Variants in ASB4 observed in about 807,000 individuals in gnomAD.
The protein encoded by ASB4 is ankyrin repeat and SOCS box containing 4, also known as ankyrin repeat and SOCS box protein 4.
Under a neutral mutation model 38.6 loss-of-function variants are expected in ASB4, and 35 were observed. The observed-to-expected ratio is 0.91, with a 90% CI of 0.69 to 1.20. The LOEUF (loss-of-function observed/expected upper bound fraction) is 1.20. ASB4 is among the 50% of genes most tolerant of loss of function. The pLI, the probability that ASB4 is intolerant of heterozygous loss-of-function variation, is 0.00. For synonymous variants in ASB4, 195 were observed against 201.3 expected (o/e 0.97, Z 0.26); for missense variants, 557 against 527.2 (o/e 1.06, Z -0.55).
In ASB4 at chr7:95,504,277, G is replaced by A. The variant is rs1003068199; in HGVS notation, c.487+8220G>A. On this transcript the variant is annotated intron_variant, in intron 2 of 4. Coordinates refer to ENST00000325885, the MANE Select transcript of ASB4 (RefSeq NM_016116.3). Reference sequence around the variant, plus strand: ...ATGTTCCTTAGCAGAAAGTGACATGGGGGCAATGTAAAGGGGACCATGCCT... The same window carrying A: ...ATGTTCCTTAGCAGAAAGTGACATGAGGGCAATGTAAAGGGGACCATGCCT... 3.9e-5 allele frequency among the ~76,000 whole-genome samples: 6 copies of A among 152,160 alleles called. No homozygotes were observed. The East Asian group carries it at 1.2e-3, about 29-fold the overall frequency.
chr7:95,549,277 C>A, the ASB4 span, among the ~76,000 whole-genome samples: 1 of 147,648 alleles, frequency 6.8e-6, no homozygotes, highest in Non-Finnish European at 1.5e-5. Context: ...AGATTCCATT[C>A]CAGAAAGTTC....
chr7:95,475,083 C>A (rs1418370630), upstream of ASB4, among the ~76,000 whole-genome samples: 1 of 152,190 alleles, frequency 6.6e-6, no homozygotes, highest in Non-Finnish European at 1.5e-5. Flanking sequence ...ACCAGCAACA[C>A]TGGCATTTAA....
intron 1 of ASB4, among the ~76,000 whole-genome samples, 177 bp downstream of exon 1, chr7:95,486,335 A>G (rs564788850): frequency 6.6e-6 from 1 of 152,290 alleles, no homozygotes; most frequent in South Asian, 2.1e-4. Flanking sequence ...GGGCTGATAT[A>G]TATGTATAAG....
At chr7:95,526,157 T>G (rs1790733474) in intron 2 of ASB4, among the ~76,000 whole-genome samples, 1 of 152,222 alleles carries the variant, frequency 6.6e-6, no homozygotes, top group Admixed American at 6.5e-5. Context: ...AGAACAGTGA[T>G]AAGGAATTTC....
chr7:95,485,899 T>C (rs1790081307), upstream of ASB4: 4 of 1,384,786 alleles, frequency 2.9e-6, no homozygotes, highest in African/African-American at 1.4e-5. Context: ...TTGTGGACTC[T>C]CCAGCATGCG....
intron 3 of ASB4, among the ~76,000 whole-genome samples, chr7:95,531,278 G>A (rs560864221): frequency 7.6e-4 from 115 of 151,932 alleles, no homozygotes; most frequent in African/African-American, 2.7e-3. Flanking sequence ...CCTACATCTT[G>A]CTAAGGGCTG....
At chr7:95,505,338 G>A (rs969528700) in intron 2 of ASB4, among the ~76,000 whole-genome samples, 6 of 152,116 alleles carry the variant, frequency 3.9e-5, no homozygotes, top group Non-Finnish European at 8.8e-5. Context: ...AAATTGCAAT[G>A]TAAGAAAAGA....
chr7:95,534,119 C>G (rs985055451), intron 3 of ASB4, among the ~76,000 whole-genome samples: 1 of 152,090 alleles, frequency 6.6e-6, no homozygotes, highest in Non-Finnish European at 1.5e-5. Context: ...CCTAGGCGGG[C>G]GGATTACTGG....
Position 95,538,714 on chromosome 7 carries a change from T to C in ASB4, c.*955T>C, listed in dbSNP as rs377180698. 24 of 152,294 alleles carry C rather than the reference T, an allele frequency of 1.6e-4. No homozygotes were observed. The East Asian group carries it at 4.6e-3, about 29-fold the overall frequency. The allele number at this position is 152,294 out of a possible 1,614,324, so 9.4% of individuals were successfully genotyped here. ...ATGGTTTCTTGGTTAGTATTAATAC[T>C]TTCCCAGACTCCTTGAGAAAAATAT... is the stretch of plus-strand genomic sequence containing the variant. On this transcript the variant is annotated 3_prime_UTR_variant, in exon 5 of 5. Coordinates refer to ENST00000325885, the MANE Select transcript of ASB4 (RefSeq NM_016116.3).
At chr7:95,540,509 A>G (rs555822127), downstream of ASB4, among the ~76,000 whole-genome samples, 73 of 152,298 alleles carry the variant, frequency 4.8e-4, no homozygotes, top group African/African-American at 1.7e-3. Flanking sequence ...TCTGCCTCTC[A>G]CCATCTCTGT....
chr7:95,521,070 A>G (rs916530717), intron 2 of ASB4, among the ~76,000 whole-genome samples: 2 of 152,196 alleles, frequency 1.3e-5, no homozygotes, highest in South Asian at 2.1e-4. Context: ...AAGAATTGCC[A>G]TCTTTACAAT....
rs770571207 is a variant in ASB4 at position 95,486,035 on chromosome 7, C to T, written c.64C>T (p.Leu22Phe). The change falls in exon 1 of 5, where the codon CTT becomes TTT. Residue 22 changes from leucine to phenylalanine, a missense_variant. Leu to Phe is a conservative substitution (Grantham distance 22). Coordinates refer to ENST00000325885, the MANE Select transcript of ASB4 (RefSeq NM_016116.3). The stretch of plus-strand genomic sequence containing the variant: ...TGCCAAGTTAGTTAAGAGAAATTTC[C>T]TTGAGGCGCTAAAGTCCAATGACTT... ...GAAKLVKRNF[L>F]EALKSNDFGK... The T allele has an allele frequency of 1.9e-6, 3 of 1,614,062 alleles. No individual in the cohort carries two copies. Among genetic ancestry groups the T allele is most frequent in the Non-Finnish European group, 2.5e-6 (3 of 1,179,992 alleles).
At chr7:95,485,858 G>A (rs1790080737), upstream of ASB4, 8 of 835,772 alleles carry the variant, frequency 9.6e-6, no homozygotes, top group South Asian at 7.6e-5. Flanking sequence ...GAACGGATCA[G>A]CATAACTTTG....
intron 1 of ASB4, among the ~76,000 whole-genome samples, chr7:95,495,097 C>CT (rs1247949172): frequency 6.6e-6 from 1 of 152,096 alleles, no homozygotes; most frequent in East Asian, 1.9e-4. Flanking sequence ...TATTTTCCTA[C>CT]TTTTTTATTT....
At chr7:95,475,678 C>T (rs1326961386), upstream of ASB4, among the ~76,000 whole-genome samples, 1 of 152,208 alleles carries the variant, frequency 6.6e-6, no homozygotes, top group African/African-American at 2.4e-5. Flanking sequence ...GCCACCGTGC[C>T]CGGCCTTGAA....
rs1278883399 is a variant in ASB4, at chr7:95,528,170, A to G, written c.845A>G (p.Asp282Gly). Reference protein sequence around the residue: ...LEAGAEANLMDINGCAAIQYV... With the variant: ...LEAGAEANLMGINGCAAIQYV... The stretch of plus-strand genomic sequence containing the variant: ...GCTGGCGCCGAAGCCAATCTCATGG[A>G]TATCAACGGCTGTGCTGCCATCCAG... Residue 282 changes from aspartate (D) to glycine (G), a missense_variant, in exon 3 of 5, where the codon GAT becomes GGT. By Grantham distance (94) the Asp-to-Gly change is moderately conservative. Coordinates refer to ENST00000325885, the MANE Select transcript of ASB4 (RefSeq NM_016116.3). 2 of 1,614,186 alleles carry G rather than the reference A, an allele frequency of 1.2e-6. No individual in the cohort carries two copies. Among genetic ancestry groups the G allele is most frequent in the Non-Finnish European group, 8.5e-7 (1 of 1,180,036 alleles).
At chr7:95,489,205 G>T (rs565161084) in intron 1 of ASB4, among the ~76,000 whole-genome samples, 55 of 152,264 alleles carry the variant, frequency 3.6e-4, no homozygotes, top group Non-Finnish European at 6.0e-4. Flanking sequence ...ACAATCTACT[G>T]GGCACACCAG....
intron 1 of ASB4, among the ~76,000 whole-genome samples, chr7:95,488,216 C>T (rs1030274818): frequency 6.6e-6 from 1 of 152,176 alleles, no homozygotes; most frequent in Non-Finnish European, 1.5e-5. Flanking sequence ...TGGCGGCCGC[C>T]TGTAGTCCCA....
In ASB4 at chr7:95,516,306, T is replaced by C. The variant is rs552175535; in HGVS notation, c.488-11507T>C. On this transcript the variant is annotated intron_variant, in intron 2 of 4. Coordinates refer to ENST00000325885, the MANE Select transcript of ASB4 (RefSeq NM_016116.3). ...TTCCAAAGTCTGAGTTATTCAGTCT[T>C]ATCTATGGTTACTTTGCAAAATTTT... Among the ~76,000 whole-genome samples, 8 of 152,328 alleles carry C rather than the reference T, an allele frequency of 5.3e-5. No individual in the cohort carries two copies. In the South Asian group the frequency reaches 1.7e-3, roughly 32 times the overall value.
Sources: gnomAD v4.1 joint callset for allele counts (sites outside exome capture counted in the v4.1 genomes callset) on GRCh38, gnomAD v4.1.1 for gene constraint, MANE v1.5 for transcripts, NCBI Gene and HGNC (gene_info 2026-07-23, HGNC 2026-07-21) for gene names.